Variants in KHDRBS1 observed in about 807,000 individuals in gnomAD.
The protein encoded by KHDRBS1 is KH domain-containing, RNA-binding, signal transduction-associated protein 1.
KHDRBS1 carries 7 observed loss-of-function variants against 48.4 expected under a neutral mutation model. The ratio of observed to expected loss-of-function variants is 0.14; its 90% CI spans 0.08 to 0.27. The LOEUF (loss-of-function observed/expected upper bound fraction) is 0.27, where lower values mean the gene tolerates loss of function less well. Among genes scored for constraint, KHDRBS1 ranks in the 10% least tolerant of loss-of-function variants. The probability of loss-of-function intolerance (pLI) is 1.00; values close to 1 mark genes in which losing one functional copy is unlikely to be tolerated. For synonymous variants in KHDRBS1, 241 were observed against 235.8 expected (o/e 1.02, Z -0.20); for missense variants, 458 against 601.2 (o/e 0.76, Z 2.49).
At chr1:32,037,814 A>G in intron 5 of KHDRBS1, 21 bp from the exon 6 acceptor site, 1 of 1,608,082 alleles carries the variant, frequency 6.2e-7, no homozygotes, top group Non-Finnish European at 8.5e-7. Flanking sequence ...GCTCCATTTA[A>G]GATAAACTTT....
At position 32,059,540 on chromosome 1, in the gene KHDRBS1, TAAAAA is replaced by T. The variant is rs77286462; in HGVS notation, n.1302-613_1302-609del. On this transcript the variant is annotated intron_variant and non_coding_transcript_variant, in intron 10 of 10. Transcript: ENST00000484270. Reference sequence around the variant, plus strand: ...GAGTGACAAAGCAAGACTCTTTCTTTAAAAAAAAAAAAAAGAAGAAGAAGAAGAAG... The same window carrying T: ...GAGTGACAAAGCAAGACTCTTTCTTTAAAAAAAAAGAAGAAGAAGAAGAAG... 3.0e-3 allele frequency among the ~76,000 whole-genome samples: 423 copies of T among 139,554 alleles called. 2 individuals carry two copies. The highest frequency in any genetic ancestry group is 0.018 in the Middle Eastern group (5 of 280). The allele number at this position is 139,554 out of a possible 152,430, so 91.6% of individuals were successfully genotyped here.
chr1:32,014,265 G>T lies in KHDRBS1; in HGVS notation c.270G>T (p.Ser90=). Residue 90 remains serine, a synonymous_variant, in exon 1 of 9, where the codon TCG becomes TCT. Coordinates refer to ENST00000327300, the MANE Select transcript of KHDRBS1 (RefSeq NM_006559.3). ...GPAPTPLLPP[S]ATASVKMEPE... ...CGCCGACCCCGCTGCTGCCCCCCTCGGCCACAGCCTCGGTCAAGATGGAGC... is the reference window on the plus strand; with the variant it reads ...CGCCGACCCCGCTGCTGCCCCCCTCTGCCACAGCCTCGGTCAAGATGGAGC... 2 of 1,543,050 alleles carry T rather than the reference G, an allele frequency of 1.3e-6. No homozygotes were observed. Among genetic ancestry groups the T allele is most frequent in the Non-Finnish European group, 8.7e-7 (1 of 1,144,616 alleles).
At chr1:32,032,070 T>C (rs1639090955) in intron 3 of KHDRBS1, among the ~76,000 whole-genome samples, 1 of 152,214 alleles carries the variant, frequency 6.6e-6, no homozygotes. Flanking sequence ...ATTAGTTGGT[T>C]TGTTTTATAG....
chr1:32,058,394 C>T (rs147863762), intron 10 of KHDRBS1, among the ~76,000 whole-genome samples: 70 of 152,296 alleles, frequency 4.6e-4, no homozygotes, highest in African/African-American at 1.3e-3. Flanking sequence ...GCCACTGCAC[C>T]TGGCTGACCT....
At position 32,017,859 on chromosome 1, in the gene KHDRBS1, G is replaced by T. The variant is rs544678301; in HGVS notation, c.382+3482G>T. ...CGACCTCAGGTGATCCGCCTGCCTCGGCCTCCCAAAGTGCTGGAATTACAG... is the reference window on the plus strand; with the variant it reads ...CGACCTCAGGTGATCCGCCTGCCTCTGCCTCCCAAAGTGCTGGAATTACAG... On this transcript the variant is annotated intron_variant, in intron 1 of 8. Coordinates refer to ENST00000327300, the MANE Select transcript of KHDRBS1 (RefSeq NM_006559.3). Among the ~76,000 whole-genome samples, 9 of 151,604 alleles carry T rather than the reference G, an allele frequency of 5.9e-5. No individual in the cohort carries two copies. The South Asian group carries it at 1.0e-3, about 18-fold the overall frequency.
intron 4 of KHDRBS1, 85 bp downstream of exon 4, chr1:32,033,419 GTC>G (rs1464694024): frequency 5.8e-6 from 9 of 1,557,658 alleles, no homozygotes; most frequent in Non-Finnish European, 7.0e-6. Context: ...CTTAACTAAG[GTC>G]TCTGCATAAC....
intron 1 of KHDRBS1, among the ~76,000 whole-genome samples, chr1:32,017,636 G>A (rs759796379): frequency 2.3e-4 from 16 of 68,836 alleles, no homozygotes; most frequent in African/African-American, 9.1e-4. Flanking sequence ...AGACGGAGTT[G>A]CACTTTTGTT....
chr1:32,060,637 C>T (rs1569833204), exon 11 of KHDRBS1: 1 of 152,192 alleles, frequency 6.6e-6, no homozygotes, highest in East Asian at 1.9e-4. Context: ...GATCACTGCC[C>T]TTCCATAAAA....
At chr1:32,023,003 T>G (rs577123575) in intron 1 of KHDRBS1, among the ~76,000 whole-genome samples, 1 of 152,324 alleles carries the variant, frequency 6.6e-6, no homozygotes, top group East Asian at 1.9e-4. Context: ...TTAACTTTTT[T>G]TGTGTGAGTT....
chr1:32,053,432 C>G (rs567065979), intron 10 of KHDRBS1, among the ~76,000 whole-genome samples: 5 of 152,160 alleles, frequency 3.3e-5, no homozygotes, highest in African/African-American at 1.2e-4. Context: ...GCTTTGCCAC[C>G]CAGGCTGGAG....
intron 10 of KHDRBS1, among the ~76,000 whole-genome samples, chr1:32,050,252 T>C (rs966288888): frequency 5.3e-5 from 8 of 152,244 alleles, no homozygotes; most frequent in Non-Finnish European, 1.2e-4. Context: ...TTTGTCTTTT[T>C]ATTAGCGAGT....
intron 1 of KHDRBS1, among the ~76,000 whole-genome samples, chr1:32,022,454 A>G (rs1448398010): frequency 6.6e-6 from 1 of 152,132 alleles, no homozygotes; most frequent in Non-Finnish European, 1.5e-5. Context: ...GTGTAGAACC[A>G]AGTATAGTGG....
chr1:32,022,289 C>T (rs1054988833), intron 1 of KHDRBS1, among the ~76,000 whole-genome samples: 27 of 152,090 alleles, frequency 1.8e-4, no homozygotes, highest in Admixed American at 3.3e-4. Flanking sequence ...TGAGCCACCG[C>T]GCCCCAGCCG....
intron 8 of KHDRBS1, among the ~76,000 whole-genome samples, chr1:32,040,786 A>G (rs1438658501): frequency 6.6e-6 from 1 of 152,210 alleles, no homozygotes; most frequent in African/African-American, 2.4e-5. Context: ...ACGCTAAGAT[A>G]CTGGTTGACA....
chr1:32,014,958 T>C (rs1638707228), intron 1 of KHDRBS1, among the ~76,000 whole-genome samples: 1 of 152,150 alleles, frequency 6.6e-6, no homozygotes, highest in African/African-American at 2.4e-5. Context: ...GGATCGGAGC[T>C]TGAGGTTTCC....
At chr1:32,058,739 G>A (rs1473915233) in intron 10 of KHDRBS1, among the ~76,000 whole-genome samples, 1 of 152,164 alleles carries the variant, frequency 6.6e-6, no homozygotes, top group African/African-American at 2.4e-5. Context: ...GGAAGCAGAG[G>A]TTGTAGTGAA....
intron 4 of KHDRBS1, among the ~76,000 whole-genome samples, chr1:32,034,663 A>G (rs924662446): frequency 1.3e-5 from 2 of 151,872 alleles, no homozygotes; most frequent in Non-Finnish European, 1.5e-5. Flanking sequence ...TTTGCTTTCA[A>G]GTACCTCATC....
rs766357437 is a variant in KHDRBS1 at position 32,038,581 on chromosome 1, T to TTACGAAGGC, written c.1149_1157dup (p.Glu384_Tyr386dup). On this transcript the variant is annotated inframe_insertion, in exon 7 of 9. Coordinates refer to ENST00000327300, the MANE Select transcript of KHDRBS1 (RefSeq NM_006559.3). The stretch of plus-strand genomic sequence containing the variant: ...ATGATGATACATACGCAGAACAAAG[T>TTACGAAGGC]TACGAAGGCTACGAAGGCTATTACA... The TTACGAAGGC allele has an allele frequency of 6.2e-7, 1 of 1,614,026 alleles. No homozygotes were observed. Among genetic ancestry groups the TTACGAAGGC allele is most frequent in the Non-Finnish European group, 8.5e-7 (1 of 1,179,964 alleles).
chr1:32,025,808 C>CATCA (rs1397069023), intron 1 of KHDRBS1, among the ~76,000 whole-genome samples: 2 of 145,846 alleles, frequency 1.4e-5, no homozygotes, highest in Non-Finnish European at 3.0e-5. Context: ...GTTGCACAGT[C>CATCA]ATCATAGTTC....
Sources: allele counts gnomAD v4.1 joint callset (sites outside exome capture counted in the v4.1 genomes callset), GRCh38; gene constraint gnomAD v4.1.1; transcripts MANE v1.5; gene names NCBI Gene and HGNC (gene_info 2026-07-23, HGNC 2026-07-21).